The following STOML3 variants were observed in gnomAD, a reference collection of about 807,000 sequenced individuals.
The protein encoded by STOML3 is stomatin-like protein 3.
Under a neutral mutation model 29.5 loss-of-function variants are expected in STOML3, and 31 were observed. That is an observed-to-expected ratio of 1.05 (90% CI 0.79 to 1.42). STOML3 has a LOEUF of 1.42. Among genes scored for constraint, STOML3 ranks in the 40% most tolerant of loss-of-function variants. The probability of loss-of-function intolerance (pLI) is 0.00; values close to 1 mark genes in which losing one functional copy is unlikely to be tolerated. For synonymous variants in STOML3, 122 were observed against 139.8 expected (o/e 0.87, Z 0.90); for missense variants, 380 against 363.0 (o/e 1.05, Z -0.38).
intron 3 of STOML3, among the ~76,000 whole-genome samples, chr13:38,974,302 G>A (rs9548575): frequency 0.62 from 93,641 of 151,820 alleles, 29,572 homozygotes; most frequent in East Asian, 0.81. Flanking sequence ...GCCAAACACC[G>A]TGTAAAGGGG....
chr13:38,980,052 C>T (rs1013458577), intron 1 of STOML3: 3 of 1,551,682 alleles, frequency 1.9e-6, no homozygotes, highest in African/African-American at 1.4e-5. Context: ...TCGCACTGAC[C>T]TACAAGCTCG....
Position 38,966,082 on chromosome 13 carries a change from T to G in STOML3, c.*743A>C, listed in dbSNP as rs1228460169. The G allele has an allele frequency of 6.6e-6, 1 of 152,336 alleles. No homozygotes were observed. The highest frequency in any genetic ancestry group is 1.5e-5 in the Non-Finnish European group (1 of 68,028). The allele number at this position is 152,336 out of a possible 1,614,324, so 9.4% of individuals were successfully genotyped here. On this transcript the variant is annotated 3_prime_UTR_variant, in exon 7 of 7. Coordinates refer to ENST00000379631, the MANE Select transcript of STOML3 (RefSeq NM_145286.3). ...TGAAAACATGAAATCCCCAGGGTGA[T>G]GCTCCTCAGTGGTTTCAACCAATGC... is the stretch of plus-strand genomic sequence containing the variant.
chr13:38,982,430 C>G (rs1374137431), intron 1 of STOML3, among the ~76,000 whole-genome samples: 1 of 152,000 alleles, frequency 6.6e-6, no homozygotes, highest in Admixed American at 6.5e-5. Context: ...GCCAGTTTCA[C>G]AACCCAGGAC....
chr13:38,980,482 C>T (rs777069089), intron 1 of STOML3, among the ~76,000 whole-genome samples: 7 of 152,166 alleles, frequency 4.6e-5, no homozygotes, highest in Non-Finnish European at 1.0e-4. Context: ...TTATTAAATA[C>T]AGAGTTCTTC....
At chr13:38,973,521 T>G (rs1880968181) in intron 3 of STOML3, among the ~76,000 whole-genome samples, 3 of 152,180 alleles carry the variant, frequency 2.0e-5, no homozygotes. Context: ...GGGAGGGACA[T>G]GACAGCTCCC....
chr13:38,985,934 G>GTTTTTTTTTTTTTT (rs1868511428), intron 1 of STOML3, among the ~76,000 whole-genome samples: 1 of 39,572 alleles, frequency 2.5e-5, no homozygotes, highest in Non-Finnish European at 4.9e-5. Flanking sequence ...TTTTTTTTTT[G>GTTTTTTTTTTTTTT]TTTGAGAGAG....
chr13:38,974,232 C>T (rs1000220299), intron 3 of STOML3, among the ~76,000 whole-genome samples: 9 of 152,090 alleles, frequency 5.9e-5, no homozygotes, highest in Non-Finnish European at 1.3e-4. Context: ...AATATATTTC[C>T]ATTAATCAAA....
chr13:38,974,212 T>C (rs1219235563), intron 3 of STOML3, among the ~76,000 whole-genome samples: 3 of 152,140 alleles, frequency 2.0e-5, no homozygotes, highest in Non-Finnish European at 4.4e-5. Flanking sequence ...GTCAGCAAGA[T>C]GGGGACACTA....
chr13:38,989,716 C>T (rs1443841822), intron 1 of STOML3, among the ~76,000 whole-genome samples: 1 of 152,126 alleles, frequency 6.6e-6, no homozygotes, highest in Admixed American at 6.6e-5. Flanking sequence ...AGGCTGGTCT[C>T]GAACTCCTGA....
chr13:38,982,942 T>A (rs747630690), intron 1 of STOML3, among the ~76,000 whole-genome samples: 3 of 152,114 alleles, frequency 2.0e-5, no homozygotes, highest in Non-Finnish European at 4.4e-5. Flanking sequence ...AAAATGCAGA[T>A]TCCCTGAATT....
intron 3 of STOML3, among the ~76,000 whole-genome samples, chr13:38,975,218 G>A (rs979633519): frequency 6.6e-6 from 1 of 151,910 alleles, no homozygotes; most frequent in Non-Finnish European, 1.5e-5. Flanking sequence ...CTACTCGGGA[G>A]GCTAAGGTGA....
rs1313082607 is a variant in STOML3, at chr13:38,988,338, ATAT to A, written c.52+2329_52+2331del. On this transcript the variant is annotated intron_variant, in intron 1 of 6. Transcript: ENST00000379631. The stretch of plus-strand genomic sequence containing the variant: ...TAATATATTATATTTTATATATAAT[ATAT>A]TATATTTTATATCATATATTTTATA... Among the ~76,000 whole-genome samples, 5 of 82,338 alleles carry A rather than the reference ATAT, an allele frequency of 6.1e-5. 1 individual carries two copies. The highest frequency in any genetic ancestry group is 5.6e-4 in the Admixed American group (3 of 5,396). The allele number at this position is 82,338 out of a possible 152,430, so 54.0% of individuals were successfully genotyped here.
At chr13:38,980,426 T>G (rs1410904064) in intron 1 of STOML3, among the ~76,000 whole-genome samples, 2 of 152,130 alleles carry the variant, frequency 1.3e-5, no homozygotes, top group Non-Finnish European at 2.9e-5. Flanking sequence ...CTGAGAACAG[T>G]TTTTGAAGAT....
chr13:38,977,750 A>ATTTT lies in STOML3; in HGVS notation c.53-957_53-954dup, dbSNP rs397851686. On this transcript the variant is annotated intron_variant, in intron 1 of 6. Transcript: ENST00000379631. ...ATTATATAATTTCTGAAGTCTCCGG[A>ATTTT]TTTTTTTTTTTTTTTTTTTTTTTTT... is the stretch of plus-strand genomic sequence containing the variant. 1.3e-3 allele frequency among the ~76,000 whole-genome samples: 110 copies of ATTTT among 84,234 alleles called. 9 individuals carry two copies. The highest frequency in any genetic ancestry group is 2.0e-3 in the Non-Finnish European group (88 of 43,516). The allele number at this position is 84,234 out of a possible 152,430, so 55.3% of individuals were successfully genotyped here.
At chr13:38,975,076 T>A (rs1881020022) in intron 3 of STOML3, among the ~76,000 whole-genome samples, 1 of 152,094 alleles carries the variant, frequency 6.6e-6, no homozygotes, top group Admixed American at 6.6e-5. Flanking sequence ...ATGCTTGTAA[T>A]CCCAGCACTT....
intron 1 of STOML3, chr13:38,979,925 C>G: frequency 1.1e-6 from 1 of 902,908 alleles, no homozygotes; most frequent in Admixed American, 2.0e-5. Flanking sequence ...ACGCAGGCAG[C>G]TGGGACTCCA....
At chr13:38,984,356 T>A (rs1049740207) in intron 1 of STOML3, among the ~76,000 whole-genome samples, 1 of 152,108 alleles carries the variant, frequency 6.6e-6, no homozygotes, top group Non-Finnish European at 1.5e-5. Flanking sequence ...AGCTCAAACA[T>A]CCCCTTCTTT....
At chr13:38,977,802 C>G (rs983088197) in intron 1 of STOML3, among the ~76,000 whole-genome samples, 1 of 131,210 alleles carries the variant, frequency 7.6e-6, no homozygotes, top group Admixed American at 9.3e-5. Flanking sequence ...CTCTGTCGCC[C>G]AGGCTGGAGT....
chr13:38,970,305 A>G lies in STOML3; in HGVS notation c.396T>C (p.Asn132=), dbSNP rs1384128774. 3 of 1,614,068 alleles carry G rather than the reference A, an allele frequency of 1.9e-6. No homozygotes were observed. Among genetic ancestry groups the G allele is most frequent in the Non-Finnish European group, 2.5e-6 (3 of 1,180,020 alleles). ...ATGTTGCTTGATGGACATCGTTGAC[A>G]TTAGCCACTGCTGAGACAGCACTAT... The part of the protein sequence containing the change: ...RIYSAVSAVA[N]VNDVHQATFL... Residue 132 remains asparagine (N), a synonymous_variant, in exon 5 of 7, where the codon AAT becomes AAC. Transcript: ENST00000379631.
Sources: allele counts gnomAD v4.1 joint callset (sites outside exome capture counted in the v4.1 genomes callset), GRCh38; gene constraint gnomAD v4.1.1; transcripts MANE v1.5; gene names NCBI Gene and HGNC (gene_info 2026-07-23, HGNC 2026-07-21).